Variants in MTMR3 observed in about 807,000 individuals in gnomAD.
The protein encoded by MTMR3 is myotubularin related protein 3.
In MTMR3, 32 loss-of-function variants were observed where a neutral mutation model predicts 132.4. That is an observed-to-expected ratio of 0.24 (90% confidence interval 0.18 to 0.32). MTMR3 has a LOEUF of 0.32. Among genes scored for constraint, MTMR3 ranks in the 10% least tolerant of loss-of-function variants. The pLI is 1.00. For missense variants in MTMR3, 1,216 were observed against 1,489.6 expected (o/e 0.82, Z 3.02); for synonymous variants, 556 against 550.3 (o/e 1.01, Z -0.14).
At chr22:29,974,910 A>G (rs1432051111) in intron 3 of MTMR3, among the ~76,000 whole-genome samples, 1 of 152,202 alleles carries the variant, frequency 6.6e-6, no homozygotes, top group East Asian at 1.9e-4. Flanking sequence ...TTTCCTTACT[A>G]TCCCATATTG....
chr22:29,883,889 G>A (rs2064607651), intron 1 of MTMR3, among the ~76,000 whole-genome samples: 1 of 152,200 alleles, frequency 6.6e-6, no homozygotes, highest in Admixed American at 6.5e-5. Context: ...GCATCCCCCT[G>A]ACCTGGTAGT....
intron 2 of MTMR3, among the ~76,000 whole-genome samples, chr22:29,962,527 C>T (rs754519443): frequency 3.3e-5 from 5 of 152,004 alleles, no homozygotes; most frequent in Admixed American, 6.6e-5. Flanking sequence ...TAAAAATAGC[C>T]GGGTGTGGTG....
chr22:29,920,650 T>C (rs1468740468), intron 1 of MTMR3, among the ~76,000 whole-genome samples: 1 of 152,080 alleles, frequency 6.6e-6, no homozygotes, highest in Non-Finnish European at 1.5e-5. Context: ...AGACCAGTGT[T>C]GTAGAACTAT....
intron 6 of MTMR3, 150 bp from the exon 7 acceptor site, chr22:29,991,354 A>G: frequency 1.6e-6 from 1 of 637,350 alleles, no homozygotes; most frequent in Non-Finnish European, 2.5e-6. Flanking sequence ...ATAAGTGATA[A>G]TGAGCATGCG....
At chr22:29,935,296 C>T (rs1055562179) in intron 1 of MTMR3, among the ~76,000 whole-genome samples, 1 of 152,158 alleles carries the variant, frequency 6.6e-6, no homozygotes, top group Non-Finnish European at 1.5e-5. Context: ...TTAATTCTCA[C>T]AGTAACACCA....
At chr22:29,908,661 A>G (rs1006775289) in intron 1 of MTMR3, among the ~76,000 whole-genome samples, 1 of 151,792 alleles carries the variant, frequency 6.6e-6, no homozygotes, top group African/African-American at 2.4e-5. Context: ...AGGGTAGCTC[A>G]GAGATAAAAC....
At chr22:29,977,616 T>G in intron 3 of MTMR3, among the ~76,000 whole-genome samples, 1 of 152,170 alleles carries the variant, frequency 6.6e-6, no homozygotes, top group South Asian at 2.1e-4. Context: ...AAATTTCACA[T>G]ATAACCAGAG....
At chr22:29,885,900 T>C (rs1444238746) in intron 1 of MTMR3, among the ~76,000 whole-genome samples, 1 of 152,212 alleles carries the variant, frequency 6.6e-6, no homozygotes, top group Non-Finnish European at 1.5e-5. Flanking sequence ...CTTACAAGTT[T>C]GGAAGAGGTG....
chr22:30,006,936 T>G, intron 9 of MTMR3, 178 bp from the exon 10 acceptor site: 1 of 613,018 alleles, frequency 1.6e-6, no homozygotes, highest in African/African-American at 1.8e-5. Context: ...ACACAGGTTT[T>G]GTTGTTTGTT....
chr22:29,892,065 A>G (rs755121906), intron 1 of MTMR3, among the ~76,000 whole-genome samples: 10 of 151,796 alleles, frequency 6.6e-5, no homozygotes, highest in Non-Finnish European at 1.5e-4. Context: ...AGGAAGGATA[A>G]TCTCTTGAAC....
chr22:29,910,096 G>A (rs996732760), intron 1 of MTMR3, among the ~76,000 whole-genome samples: 1 of 151,250 alleles, frequency 6.6e-6, no homozygotes, highest in African/African-American at 2.4e-5. Context: ...CCCAGGAGGC[G>A]GAGCTTGCAG....
intron 1 of MTMR3, among the ~76,000 whole-genome samples, chr22:29,925,113 G>C (rs1038448718): frequency 6.6e-6 from 1 of 152,178 alleles, no homozygotes; most frequent in African/African-American, 2.4e-5. Context: ...GCTCACTGTA[G>C]CTGGCTCCTC....
intron 2 of MTMR3, 123 bp downstream of exon 2, chr22:29,957,211 G>A (rs1217403277): frequency 6.7e-6 from 1 of 148,200 alleles, no homozygotes; most frequent in Non-Finnish European, 1.5e-5. Flanking sequence ...CAATGTCCAT[G>A]ATTATTTAGA....
At chr22:29,942,828 A>G (rs2065882774) in intron 1 of MTMR3, among the ~76,000 whole-genome samples, 2 of 152,144 alleles carry the variant, frequency 1.3e-5, no homozygotes, top group South Asian at 4.1e-4. Context: ...AGGTGCCCAG[A>G]TTTCATATTG....
intron 5 of MTMR3, chr22:29,979,256 G>A: frequency 1.0e-5 from 4 of 385,822 alleles, no homozygotes; most frequent in Non-Finnish European, 1.9e-5. Context: ...ACTTTGGGAG[G>A]CCAAGGCAGG....
chr22:29,898,749 T>A lies in MTMR3; in HGVS notation c.-138+15390T>A, dbSNP rs191849460. 2.6e-5 allele frequency among the ~76,000 whole-genome samples: 4 copies of A among 152,254 alleles called. No individual in the cohort carries two copies. The East Asian group carries it at 7.7e-4, about 29-fold the overall frequency. On this transcript the variant is annotated intron_variant, in intron 1 of 19. Coordinates refer to ENST00000401950, the MANE Select transcript of MTMR3 (RefSeq NM_021090.4). ...TCACGCCTTCCCATCCTCTCCTCTC[T>A]GTTAGTTCCCTGAATCCCATGTTTA...
intron 1 of MTMR3, among the ~76,000 whole-genome samples, chr22:29,896,991 T>G (rs1272418468): frequency 6.6e-6 from 1 of 152,042 alleles, no homozygotes; most frequent in East Asian, 1.9e-4. Context: ...AAGTAAAATT[T>G]AAATATTTAA....
chr22:29,940,770 C>T (rs745786191), intron 1 of MTMR3, among the ~76,000 whole-genome samples: 34 of 149,938 alleles, frequency 2.3e-4, no homozygotes, highest in Non-Finnish European at 4.9e-4. Context: ...ATCATATGGA[C>T]TTGATCTCCT....
intron 1 of MTMR3, among the ~76,000 whole-genome samples, chr22:29,888,942 AT>A (rs2064736453): frequency 6.6e-6 from 1 of 151,954 alleles, no homozygotes; most frequent in Non-Finnish European, 1.5e-5. Context: ...GAAGAGAAAT[AT>A]AAATTTATTT....
Sources: gnomAD v4.1 joint callset for allele counts (sites outside exome capture counted in the v4.1 genomes callset) on GRCh38, gnomAD v4.1.1 for gene constraint, MANE v1.5 for transcripts, NCBI Gene and HGNC (gene_info 2026-07-23, HGNC 2026-07-21) for gene names.